WDR36: variants seen among roughly 807,000 people sequenced by gnomAD.
WDR36 encodes WD repeat-containing protein 36.
Under a neutral mutation model 112.7 loss-of-function variants are expected in WDR36, and 63 were observed. The observed-to-expected ratio is 0.56, with a 90% CI of 0.46 to 0.69. WDR36 has a LOEUF of 0.69. WDR36 is among the 30% of genes least tolerant of loss of function. WDR36 has a pLI of 0.00. For missense variants in WDR36, 1,226 were observed against 1,070.3 expected (o/e 1.15, Z -2.03); for synonymous variants, 410 against 362.2 (o/e 1.13, Z -1.50).
chr5:111,104,841 A>G (rs1364552295), intron 9 of WDR36, 24 bp downstream of exon 9: 1 of 1,609,818 alleles, frequency 6.2e-7, no homozygotes, highest in South Asian at 1.1e-5. Context: ...TCATACTATT[A>G]GTTTATTTCA....
chr5:111,100,773 T>C, intron 5 of WDR36, 52 bp downstream of exon 5: 1 of 1,541,022 alleles, frequency 6.5e-7, no homozygotes, highest in Non-Finnish European at 8.9e-7. Context: ...CCTCATCTAC[T>C]ACTTCCTAAT....
At chr5:111,095,213 A>T in intron 2 of WDR36, 1 of 386,084 alleles carries the variant, frequency 2.6e-6, no homozygotes. Flanking sequence ...TGAAGAGTAC[A>T]GGCTCATTTA....
Position 111,104,773 on chromosome 5 carries a change from A to G in WDR36, c.983A>G (p.Asn328Ser), listed in dbSNP as rs144898205. The change falls in exon 9 of 23, where the codon AAT (asparagine) becomes AGT (serine). Residue 328 changes from asparagine (N) to serine (S), a missense_variant. By Grantham distance (46) the Asn-to-Ser change is conservative. Transcript: ENST00000513710. ...ATGGGTCATAGTGCTCCTCTTACCA[A>G]TATCAGATATTATGGACAGAATGGA... ...FRMGHSAPLTNIRYYGQNGQQ... is the reference protein window; with the variant it reads ...FRMGHSAPLTSIRYYGQNGQQ... 2.2e-5 allele frequency: 35 copies of G among 1,611,242 alleles called. No individual in the cohort carries two copies. In the African/African-American group the frequency reaches 3.2e-4, roughly 15 times the overall value.
At chr5:111,108,088 G>T (rs1048920800) in intron 12 of WDR36, among the ~76,000 whole-genome samples, 2 of 151,268 alleles carry the variant, frequency 1.3e-5, no homozygotes, top group Non-Finnish European at 3.0e-5. Flanking sequence ...TGTTGTCTCT[G>T]ATCTATGAAC....
chr5:111,097,164 T>G lies in WDR36; in HGVS notation c.276T>G (p.Phe92Leu), dbSNP rs1561700892. 6.2e-7 allele frequency: 1 copy of G among 1,613,420 alleles called. No individual in the cohort carries two copies. The highest frequency in any genetic ancestry group is 8.5e-7 in the Non-Finnish European group (1 of 1,179,578). Residue 92 changes from phenylalanine (F) to leucine (L), a missense_variant, in exon 3 of 23, where the codon TTT (phenylalanine) becomes TTG (leucine). Coordinates refer to ENST00000513710, the MANE Select transcript of WDR36 (RefSeq NM_139281.3). ...CTTATGGAAATGTTTTCTCTGCATT[T>G]GCCCGTAATAAAGAGGTTGGTATCG... Reference protein sequence around the residue: ...FAAYGNVFSAFARNKEIVHTF... With the variant: ...FAAYGNVFSALARNKEIVHTF...
At position 111,109,779 on chromosome 5, in the gene WDR36, G is replaced by A. The variant is rs556298419; in HGVS notation, c.1327-410G>A. 6.6e-5 allele frequency among the ~76,000 whole-genome samples: 10 copies of A among 151,278 alleles called. No individual in the cohort carries two copies. In the East Asian group the frequency reaches 1.7e-3, roughly 26 times the overall value. ...TTTTGCTTGGCCATTCTAACTAATG[G>A]TATGTTTTTGGTTTTATGTCAGCTG... On this transcript the variant is annotated intron_variant, in intron 12 of 22. Coordinates refer to ENST00000513710, the MANE Select transcript of WDR36 (RefSeq NM_139281.3).
At chr5:111,102,859 G>A (rs188481329) in intron 6 of WDR36, among the ~76,000 whole-genome samples, 10 of 151,718 alleles carry the variant, frequency 6.6e-5, no homozygotes, top group Admixed American at 5.3e-4. Flanking sequence ...TAATGAATCT[G>A]CAAAATATGT....
In WDR36 at chr5:111,092,417, T is replaced by C. The variant is rs780649872; in HGVS notation, c.-40T>C. The stretch of plus-strand genomic sequence containing the variant: ...TGAAGGGACTGGGTACGTGTTTTCC[T>C]TCAGGACCAGAGCTGAGAGGAGCTG... On this transcript the variant is annotated 5_prime_UTR_variant, in exon 1 of 23. Transcript: ENST00000513710. The C allele has an allele frequency of 1.6e-5, 26 of 1,614,114 alleles. No homozygotes were observed. The highest frequency in any genetic ancestry group is 2.1e-5 in the Non-Finnish European group (25 of 1,180,054).
chr5:111,117,115 T>A (rs1189024876), intron 16 of WDR36, among the ~76,000 whole-genome samples: 1 of 152,170 alleles, frequency 6.6e-6, no homozygotes, highest in Non-Finnish European at 1.5e-5. Context: ...TTTCCCCAAT[T>A]CTCTTGATTC....
chr5:111,097,106 G>T lies in WDR36; in HGVS notation c.218G>T (p.Cys73Phe). The T allele has an allele frequency of 5.6e-6, 9 of 1,613,596 alleles. No homozygotes were observed. The highest frequency in any genetic ancestry group is 7.6e-6 in the Non-Finnish European group (9 of 1,179,706). Residue 73 changes from cysteine (C) to phenylalanine (F), a missense_variant, in exon 3 of 23, where the codon TGT becomes TTT. By Grantham distance (205) the Cys-to-Phe change is radical (BLOSUM62 -2). Transcript: ENST00000513710. Reference protein sequence around the residue: ...VSNSVPQDICCMAADGRLVFA... With the variant: ...VSNSVPQDICFMAADGRLVFA... ...AATTCTGTTCCACAGGATATCTGCTGTATGGCAGCTGATGGCAGATTAGTC... is the reference window on the plus strand; with the variant it reads ...AATTCTGTTCCACAGGATATCTGCTTTATGGCAGCTGATGGCAGATTAGTC...
chr5:111,093,270 T>C (rs1752906493), intron 1 of WDR36, among the ~76,000 whole-genome samples: 2 of 152,244 alleles, frequency 1.3e-5, no homozygotes, highest in Non-Finnish European at 2.9e-5. Context: ...ATCATTGTAA[T>C]AGTGTCTCTT....
At position 111,130,472 on chromosome 5, in the gene WDR36, TATATG is replaced by T. The variant is rs1753768403; in HGVS notation, c.*3594_*3598del. ...TTGGTTTCATAGATTTTCATATATA[TATATG>T]ATATAATAAACACTTTTTGACATTC... On this transcript the variant is annotated 3_prime_UTR_variant, in exon 23 of 23. Coordinates refer to ENST00000513710, the MANE Select transcript of WDR36 (RefSeq NM_139281.3). The T allele has an allele frequency of 5.7e-6, 1 of 174,808 alleles. No individual in the cohort carries two copies. Among genetic ancestry groups the T allele is most frequent in the African/African-American group, 2.4e-5 (1 of 42,144 alleles). The allele number at this position is 174,808 out of a possible 1,614,324, so 10.8% of individuals were successfully genotyped here. A position where few individuals can be genotyped will look rare whatever the true frequency, so the allele number is the denominator to read the frequency against.
In WDR36 at chr5:111,110,248, A is replaced by G. The variant is rs1353916981; in HGVS notation, c.1386A>G (p.Val462=). 1.2e-6 allele frequency: 2 copies of G among 1,611,158 alleles called. No individual in the cohort carries two copies. The highest frequency in any genetic ancestry group is 2.2e-5 in the East Asian group (1 of 44,764). ...TAATTGGCCTCTCATCAGGAACTGT[A>G]GATGTATATAACATGCAGTCTGGCA... ...FAVIGLSSGT[V]DVYNMQSGIH... The change falls in exon 13 of 23, where the codon GTA becomes GTG. Residue 462 remains valine (V), a synonymous_variant. Coordinates refer to ENST00000513710, the MANE Select transcript of WDR36 (RefSeq NM_139281.3).
intron 16 of WDR36, among the ~76,000 whole-genome samples, chr5:111,114,390 A>G (rs1431425218): frequency 6.6e-6 from 1 of 152,228 alleles, no homozygotes; most frequent in African/African-American, 2.4e-5. Flanking sequence ...CTTCCTACTC[A>G]GGAATTGGAT....
Position 111,092,519 on chromosome 5 carries a change from A to C in WDR36, c.63A>C (p.Gly21=). The part of the protein sequence containing the change: ...SALFAGFRAL[G]LFSNDIPHVV... ...TTTTTGCGGGGTTCCGGGCCTTGGGACTTTTCAGCAACGACATTCCACACG... is the reference window on the plus strand; with the variant it reads ...TTTTTGCGGGGTTCCGGGCCTTGGGCCTTTTCAGCAACGACATTCCACACG... Residue 21 remains glycine, a synonymous_variant, in exon 1 of 23, where the codon GGA becomes GGC. Transcript: ENST00000513710. 6.2e-7 allele frequency: 1 copy of C among 1,614,198 alleles called. No individual in the cohort carries two copies.
At position 111,125,740 on chromosome 5, in the gene WDR36, T is replaced by A. The variant is rs770121264; in HGVS notation, c.2483T>A (p.Leu828Gln). 9.9e-6 allele frequency: 16 copies of A among 1,613,952 alleles called. No individual in the cohort carries two copies. The highest frequency in any genetic ancestry group is 1.7e-4 in the Middle Eastern group (1 of 6,058). The change falls in exon 22 of 23, where the codon CTG becomes CAG. Residue 828 changes from leucine to glutamine, a missense_variant. By Grantham distance (113) the Leu-to-Gln change is moderately radical. Transcript: ENST00000513710. ...TTCTTGAAAATGATTGGGATGATGCTGGACAGAAAGCGTGATTTTGAGTTA... is the reference window on the plus strand; with the variant it reads ...TTCTTGAAAATGATTGGGATGATGCAGGACAGAAAGCGTGATTTTGAGTTA... ...QSFLKMIGMM[L>Q]DRKRDFELAQ... is the part of the protein sequence containing the mutation.
chr5:111,125,846 T>C (rs1371231648), intron 22 of WDR36, 51 bp downstream of exon 22: 1 of 1,602,948 alleles, frequency 6.2e-7, no homozygotes, highest in African/African-American at 1.3e-5. Flanking sequence ...TCTGGGGCAG[T>C]GCTATCTAAC....
At chr5:111,104,639 A>G in intron 8 of WDR36, 58 bp from the exon 9 acceptor site, 1 of 1,609,662 alleles carries the variant, frequency 6.2e-7, no homozygotes. Flanking sequence ...GGGTGATTTG[A>G]CTGCTTGCAG....
At chr5:111,092,681 T>G in intron 1 of WDR36, 63 bp downstream of exon 1, 6 of 1,539,942 alleles carry the variant, frequency 3.9e-6, no homozygotes, top group Non-Finnish European at 5.3e-6. Context: ...AACTCTGTCC[T>G]GGAGCAGTCC....
Sources: gnomAD v4.1 joint callset for allele counts (sites outside exome capture counted in the v4.1 genomes callset) on GRCh38, gnomAD v4.1.1 for gene constraint, MANE v1.5 for transcripts, NCBI Gene and HGNC (gene_info 2026-07-23, HGNC 2026-07-21) for gene names.